Variants in RAB37 observed in about 807,000 individuals in gnomAD.
The protein encoded by RAB37 is ras-related protein Rab-37.
A neutral mutation model predicts 33.1 loss-of-function variants in RAB37; 29 were observed. The ratio of observed to expected loss-of-function variants is 0.88; its 90% CI spans 0.65 to 1.20. The LOEUF is 1.20. Among genes scored for constraint, RAB37 ranks in the 50% most tolerant of loss-of-function variants. The pLI is 0.00. For missense variants in RAB37, 299 were observed against 301.1 expected (o/e 0.99, Z 0.05); for synonymous variants, 128 against 119.5 (o/e 1.07, Z -0.47).
chr17:74,695,853 G>A (rs2032412349), intron 1 of RAB37: 2 of 1,613,566 alleles, frequency 1.2e-6, no homozygotes, highest in African/African-American at 1.3e-5. Flanking sequence ...TCCAGGGGCT[G>A]CAGTACCTGG....
At chr17:74,708,915 CA>C (rs570521560) in intron 1 of RAB37, among the ~76,000 whole-genome samples, 52 of 125,052 alleles carry the variant, frequency 4.2e-4, no homozygotes, top group East Asian at 1.6e-3. Flanking sequence ...GACTCCGTCT[CA>C]AAAAAAAAAA....
chr17:74,735,000 A>G (rs1281388745), upstream of RAB37, among the ~76,000 whole-genome samples: 2,183 of 101,326 alleles, frequency 0.022, 64 homozygotes, highest in East Asian at 0.044. Flanking sequence ...AGGAAGAAAG[A>G]AAAAGAAAGG....
intron 1 of RAB37, among the ~76,000 whole-genome samples, chr17:74,737,875 C>T (rs552441731): frequency 6.6e-6 from 1 of 152,318 alleles, no homozygotes; most frequent in Non-Finnish European, 1.5e-5. Flanking sequence ...GGCACTGCCT[C>T]CCACCTTCCT....
rs1165939458 is a variant in RAB37, at chr17:74,712,948, A to G, written c.73-16308A>G. 5 of 1,402,926 alleles carry G rather than the reference A, an allele frequency of 3.6e-6. No individual in the cohort carries two copies. In the African/African-American group the frequency reaches 4.3e-5, roughly 12 times the overall value. 86.9% of individuals were successfully genotyped at this position (1,402,926 alleles called of 1,614,324 possible). ...TACAGACTCCCAGCCTTCTGCTGGT[A>G]CTCACTCTCGCCCTTGAACTTCCTC... On this transcript the variant is annotated intron_variant, in intron 1 of 7. Coordinates refer to the RAB37 transcript ENST00000340415.
In RAB37 at chr17:74,671,501, C is replaced by T. The variant is rs1420381325; in HGVS notation, c.-86C>T. ...CCCGCAGAGCTCAGACCCAAGCCTG[C>T]CGCACCCAGCGGAGCTCGAACCGAG... On this transcript the variant is annotated 5_prime_UTR_variant, in exon 1 of 8. Transcript: ENST00000340415. This position sits in a 1 kb window ranked among gnomAD's most constrained non-coding sequence, Gnocchi z 5.0. The T allele has an allele frequency of 1.1e-5, 14 of 1,307,622 alleles. No homozygotes were observed. The highest frequency in any genetic ancestry group is 1.4e-5 in the Non-Finnish European group (13 of 911,876). 81.0% of individuals were successfully genotyped at this position (1,307,622 alleles called of 1,614,324 possible).
At position 74,702,964 on chromosome 17, in the gene RAB37, G is replaced by C; in HGVS notation, c.73-26292G>C. On this transcript the variant is annotated intron_variant, in intron 1 of 7. Coordinates refer to the RAB37 transcript ENST00000340415. The stretch of plus-strand genomic sequence containing the variant: ...CCAGACAAAGCTCAGGCTGGAAAAT[G>C]GGACTTCAAAGAGTTCTCCATTGGA... The C allele has an allele frequency of 2.4e-6, 3 of 1,263,302 alleles. No homozygotes were observed. In the Admixed American group the frequency reaches 5.2e-5, roughly 22 times the overall value. The allele number at this position is 1,263,302 out of a possible 1,614,324, so 78.3% of individuals were successfully genotyped here.
chr17:74,685,245 C>T (rs1195928906), intron 1 of RAB37, among the ~76,000 whole-genome samples: 7 of 151,936 alleles, frequency 4.6e-5, no homozygotes, highest in East Asian at 3.9e-4. Flanking sequence ...AGTGCAGTGG[C>T]GCGATCTCGG....
intron 1 of RAB37, among the ~76,000 whole-genome samples, chr17:74,680,235 G>T (rs967548888): frequency 1.3e-5 from 2 of 151,978 alleles, no homozygotes; most frequent in Non-Finnish European, 2.9e-5. Flanking sequence ...AGGTAGACAG[G>T]CAGAGGGATA....
intron 1 of RAB37, among the ~76,000 whole-genome samples, chr17:74,710,432 T>G (rs963268713): frequency 6.6e-6 from 1 of 152,138 alleles, no homozygotes; most frequent in Admixed American, 6.5e-5. Flanking sequence ...CATGTAAAAA[T>G]CAATGGCTTT....
chr17:74,687,504 G>A (rs551827348), intron 1 of RAB37, among the ~76,000 whole-genome samples: 51 of 152,306 alleles, frequency 3.3e-4, no homozygotes, highest in African/African-American at 1.1e-3. Context: ...GATTACAGGC[G>A]TGAGCCACCA....
At chr17:74,719,255 C>T (rs2034207564) in intron 1 of RAB37, among the ~76,000 whole-genome samples, 1 of 152,050 alleles carries the variant, frequency 6.6e-6, no homozygotes, top group African/African-American at 2.4e-5. Flanking sequence ...CGAGACCAGC[C>T]TGGGAAACAT....
At position 74,706,765 on chromosome 17, in the gene RAB37, G is replaced by C. The variant is rs189279647; in HGVS notation, c.73-22491G>C. The stretch of plus-strand genomic sequence containing the variant: ...AGTGTCAGAGAGACCCTGGGAAGGG[G>C]TGAGGACCACGGCAGCCTGGATTGG... On this transcript the variant is annotated intron_variant, in intron 1 of 7. Coordinates refer to the RAB37 transcript ENST00000340415. Among the ~76,000 whole-genome samples the C allele has an allele frequency of 2.0e-5, 3 of 152,334 alleles. No individual in the cohort carries two copies. In the East Asian group the frequency reaches 5.8e-4, roughly 29 times the overall value.
intron 1 of RAB37, among the ~76,000 whole-genome samples, chr17:74,682,670 C>T (rs2031978037): frequency 6.6e-6 from 1 of 152,186 alleles, no homozygotes; most frequent in East Asian, 1.9e-4. Flanking sequence ...TTTGGGAGGT[C>T]AAGGCGGGTG....
intron 1 of RAB37, among the ~76,000 whole-genome samples, chr17:74,691,584 G>C (rs1280027899): frequency 6.6e-6 from 1 of 152,156 alleles, no homozygotes; most frequent in Admixed American, 6.5e-5. Context: ...TCCAGATGAA[G>C]GTAGAAGCAG....
intron 1 of RAB37, among the ~76,000 whole-genome samples, chr17:74,698,845 G>A (rs2384954): frequency 0.96 from 146,513 of 152,306 alleles, 70,720 homozygotes; most frequent in East Asian, 1. Flanking sequence ...AAATCTGTAC[G>A]TGTACCCCTG....
chr17:74,729,557 C>G lies in RAB37; in HGVS notation c.183+191C>G, dbSNP rs2034359189. ...GGAGGGTATACTGCCCCTGGGTAGT[C>G]CAGGAACTCCGCCCACCTCTAGCCT... is the stretch of plus-strand genomic sequence containing the variant. On this transcript the variant is annotated intron_variant, in intron 2 of 7. Transcript: ENST00000340415. This position sits in a 1 kb window ranked among gnomAD's most constrained non-coding sequence, Gnocchi z 4.2. Among the ~76,000 whole-genome samples, 1 of 151,942 alleles carries G rather than the reference C, an allele frequency of 6.6e-6. No homozygotes were observed. Among genetic ancestry groups the G allele is most frequent in the Non-Finnish European group, 1.5e-5 (1 of 67,976 alleles).
chr17:74,692,161 C>T (rs745962212), intron 1 of RAB37, among the ~76,000 whole-genome samples: 1 of 152,124 alleles, frequency 6.6e-6, no homozygotes, highest in African/African-American at 2.4e-5. Flanking sequence ...CCACCGCACC[C>T]GGCCATGTTA....
chr17:74,690,194 C>A (rs1267738390), intron 1 of RAB37, among the ~76,000 whole-genome samples: 1 of 152,092 alleles, frequency 6.6e-6, no homozygotes, highest in East Asian at 1.9e-4. Context: ...CTCCTGGGCT[C>A]AATCGATCAC....
chr17:74,697,441 A>T (rs1448910525), intron 1 of RAB37, among the ~76,000 whole-genome samples: 3 of 152,322 alleles, frequency 2.0e-5, no homozygotes, highest in South Asian at 4.1e-4. Flanking sequence ...TGGGCAATAC[A>T]TTTGGGAGAA....
Sources: gnomAD v4.1 joint callset for allele counts (sites outside exome capture counted in the v4.1 genomes callset) on GRCh38, gnomAD v4.1.1 for gene constraint, Gnocchi (gnomAD v3.1) non-coding constraint, MANE v1.5 for transcripts, NCBI Gene and HGNC (gene_info 2026-07-23, HGNC 2026-07-21) for gene names.